Variants in CAGE1 observed in about 807,000 individuals in gnomAD.
CAGE1 encodes the protein cancer-associated gene 1 protein.
CAGE1 carries 66 observed loss-of-function variants against 94.9 expected under a neutral mutation model. The ratio of observed to expected loss-of-function variants is 0.70; its 90% confidence interval spans 0.57 to 0.85. The LOEUF is 0.85. Among genes scored for constraint, CAGE1 ranks in the 40% least tolerant of loss-of-function variants. CAGE1 has a pLI of 0.00. For missense variants in CAGE1, 865 were observed against 950.4 expected, an observed-to-expected ratio of 0.91 and a Z score of 1.18; for synonymous variants, 319 against 321.0, an observed-to-expected ratio of 0.99 and a Z score of 0.07.
In CAGE1 at chr6:7,365,538, C is replaced by G. The variant is rs375800106; in HGVS notation, c.2123G>C (p.Arg708Thr). Residue 708 changes from arginine (R) to threonine (T), a missense_variant, in exon 9 of 14, where the codon AGA becomes ACA. Coordinates refer to ENST00000502583, the MANE Select transcript of CAGE1 (RefSeq NM_001170692.2). ...DCDSDEAKSIRDVPTLLGAKL... is the reference protein window; with the variant it reads ...DCDSDEAKSITDVPTLLGAKL... ...GGCTCCCAGAAGGGTAGGTACATCTCTGATACTCTTGGCTTCATCTGAATC... is the reference window on the plus strand; with the variant it reads ...GGCTCCCAGAAGGGTAGGTACATCTGTGATACTCTTGGCTTCATCTGAATC... 1.2e-6 allele frequency: 2 copies of G among 1,612,202 alleles called. No homozygotes were observed. Among genetic ancestry groups the G allele is most frequent in the African/African-American group, 2.7e-5 (2 of 74,904 alleles).
intron 7 of CAGE1, 107 bp from the exon 8 acceptor site, chr6:7,365,991 A>G: frequency 1.5e-6 from 1 of 651,480 alleles, no homozygotes; most frequent in East Asian, 3.0e-5. Context: ...CATGCCTATA[A>G]TCCCAGCACT....
chr6:7,348,634 A>G (rs912093943), intron 11 of CAGE1, among the ~76,000 whole-genome samples: 11 of 152,222 alleles, frequency 7.2e-5, no homozygotes, highest in Admixed American at 6.5e-4. Flanking sequence ...GCACCAGAGA[A>G]AGGTGAAGTC....
At chr6:7,357,040 G>GC (rs71542848) in intron 9 of CAGE1, among the ~76,000 whole-genome samples, 2 of 151,970 alleles carry the variant, frequency 1.3e-5, no homozygotes, top group East Asian at 1.9e-4. Flanking sequence ...CAGGTGATCC[G>GC]CCCCCCGTCG....
chr6:7,389,739 C>G lies in CAGE1; in HGVS notation c.-561G>C. The stretch of plus-strand genomic sequence containing the variant: ...CCTATACAGCGCGCCATCCAGAGAG[C>G]TCCGGACTCCCAGCTCGGCGCAGGG... On this transcript the variant is annotated 5_prime_UTR_variant, in exon 1 of 14. Transcript: ENST00000502583. The G allele has an allele frequency of 3.5e-6, 2 of 570,260 alleles. No homozygotes were observed. Among genetic ancestry groups the G allele is most frequent in the Non-Finnish European group, 6.3e-6 (2 of 318,468 alleles). The allele number at this position is 570,260 out of a possible 1,614,324, so 35.3% of individuals were successfully genotyped here.
Position 7,339,671 on chromosome 6 carries a change from G to A in CAGE1, c.2370-5581C>T. On this transcript the variant is annotated intron_variant, in intron 11 of 13. Coordinates refer to ENST00000502583, the MANE Select transcript of CAGE1 (RefSeq NM_001170692.2). The surrounding 1 kb of genome is among the most constrained non-coding windows in gnomAD (Gnocchi z 4.7). ...TTATGAGTGAGAACATATGATGTTT[G>A]GTTTTCCATTCCTGAGCTACTTCAC... 1 of 586,366 alleles carries A rather than the reference G, an allele frequency of 1.7e-6. No individual in the cohort carries two copies. The highest frequency in any genetic ancestry group is 2.9e-5 in the Admixed American group (1 of 35,060). The allele number at this position is 586,366 out of a possible 1,614,324, so 36.3% of individuals were successfully genotyped here. A position where few individuals can be genotyped will look rare whatever the true frequency, so the allele number is the denominator to read the frequency against.
At chr6:7,353,761 C>T (rs193222549) in intron 11 of CAGE1, among the ~76,000 whole-genome samples, 1 of 150,512 alleles carries the variant, frequency 6.6e-6, no homozygotes, top group Admixed American at 6.6e-5. Flanking sequence ...ACTACTCAGC[C>T]ATAAAAAGGA....
At chr6:7,329,408 C>T (rs571712895) in intron 13 of CAGE1, 31 of 342,700 alleles carry the variant, frequency 9.0e-5, no homozygotes, top group South Asian at 2.9e-4. Flanking sequence ...GGACTTTATA[C>T]GCCTCGCCAA....
chr6:7,350,872 C>G (rs9505178), intron 11 of CAGE1, among the ~76,000 whole-genome samples: 9,950 of 152,034 alleles, frequency 0.065, 634 homozygotes, highest in African/African-American at 0.17. Flanking sequence ...AAGAACAAAC[C>G]AAACTCAAAC....
At chr6:7,346,892 A>G (rs1759567570) in intron 11 of CAGE1, among the ~76,000 whole-genome samples, 2 of 152,182 alleles carry the variant, frequency 1.3e-5, no homozygotes, top group South Asian at 4.1e-4. Context: ...GAAGATTCTA[A>G]TAAGCAGCCA....
At chr6:7,365,393 A>G in intron 9 of CAGE1, 75 bp downstream of exon 9, 1 of 1,238,680 alleles carries the variant, frequency 8.1e-7, no homozygotes, top group South Asian at 1.4e-5. Context: ...TTGAAGGATG[A>G]TAACTTCTTA....
Position 7,373,289 on chromosome 6 carries a change from C to T in CAGE1, c.1530G>A (p.Glu510=), listed in dbSNP as rs1301246813. The part of the protein sequence containing the change: ...EERQKLKSRL[E]KLLTQVRNLQ... ...AATTTCTAACTTGAGTGAGCAATTT[C>T]TCAAGTCTAGATTTCAGTTTCTGTC... The change falls in exon 5 of 14, where the codon GAG becomes GAA. Residue 510 remains glutamate, a synonymous_variant. Coordinates refer to ENST00000502583, the MANE Select transcript of CAGE1 (RefSeq NM_001170692.2). 1 of 1,604,434 alleles carries T rather than the reference C, an allele frequency of 6.2e-7. No individual in the cohort carries two copies. Among genetic ancestry groups the T allele is most frequent in the Non-Finnish European group, 8.5e-7 (1 of 1,174,680 alleles).
chr6:7,361,406 T>TA (rs1760162102), intron 9 of CAGE1, among the ~76,000 whole-genome samples: 1 of 152,182 alleles, frequency 6.6e-6, no homozygotes, highest in Non-Finnish European at 1.5e-5. Context: ...TATTAAGTGG[T>TA]AAAATGAATT....
At chr6:7,338,770 A>C in intron 11 of CAGE1, 1 of 721,474 alleles carries the variant, frequency 1.4e-6, no homozygotes, top group Non-Finnish European at 2.5e-6. Context: ...CTGTCTTTGT[A>C]CAATATTTTA....
intron 12 of CAGE1, among the ~76,000 whole-genome samples, chr6:7,333,102 C>G (rs556962672): frequency 6.6e-6 from 1 of 152,228 alleles, no homozygotes; most frequent in East Asian, 1.9e-4. Flanking sequence ...AGGTGCCCAC[C>G]ACCATGCCTG....
intron 4 of CAGE1, among the ~76,000 whole-genome samples, chr6:7,375,808 A>G (rs1324858410): frequency 6.6e-6 from 1 of 152,150 alleles, no homozygotes; most frequent in African/African-American, 2.4e-5. Context: ...GGACTTCTGT[A>G]TTTTGTTTTT....
intron 11 of CAGE1, among the ~76,000 whole-genome samples, chr6:7,340,485 C>T (rs1481146533): frequency 6.6e-6 from 1 of 152,102 alleles, no homozygotes; most frequent in East Asian, 1.9e-4. Flanking sequence ...TAAAAATAAA[C>T]CATCTAAATA....
chr6:7,333,793 C>CT (rs70978957), intron 12 of CAGE1, among the ~76,000 whole-genome samples: 54,024 of 150,576 alleles, frequency 0.36, 10,217 homozygotes, highest in East Asian at 0.44. Context: ...CTCAGCCCCC[C>CT]AGTAGCTGGG....
At chr6:7,329,253 A>C (rs1313205117) in intron 13 of CAGE1, 1 of 399,072 alleles carries the variant, frequency 2.5e-6, no homozygotes, top group African/African-American at 2.1e-5. Context: ...AAATATGTAC[A>C]AGTTATATGC....
chr6:7,328,178 TTG>T (rs1758600083), intron 13 of CAGE1, among the ~76,000 whole-genome samples: 1 of 152,182 alleles, frequency 6.6e-6, no homozygotes, highest in Non-Finnish European at 1.5e-5. Context: ...AAGTGTAGCA[TTG>T]GTCCTGGGTC....
Sources: gnomAD v4.1 joint callset for allele counts (sites outside exome capture counted in the v4.1 genomes callset) on GRCh38, gnomAD v4.1.1 for gene constraint, Gnocchi (gnomAD v3.1) non-coding constraint, MANE v1.5 for transcripts, NCBI Gene and HGNC (gene_info 2026-07-23, HGNC 2026-07-21) for gene names.